The following ZNF407 variants were observed in gnomAD, a reference collection of about 807,000 sequenced individuals.
The protein encoded by ZNF407 is zinc finger protein 407.
ZNF407 carries 17 observed loss-of-function variants against 131.2 expected under a neutral mutation model. That is an observed-to-expected ratio of 0.13 (90% CI 0.09 to 0.19). The LOEUF is 0.19. Among genes scored for constraint, ZNF407 ranks in the 10% least tolerant of loss-of-function variants. ZNF407 has a pLI of 1.00. For missense variants in ZNF407, 2,681 were observed against 2,830.6 expected (o/e 0.95, Z 1.20); for synonymous variants, 1,156 against 1,062.0 (o/e 1.09, Z -1.72).
Position 74,633,741 on chromosome 18 carries a change from G to C in ZNF407, c.2722G>C (p.Glu908Gln). The change falls in exon 2 of 9, where the codon GAA (glutamate) becomes CAA (glutamine). Residue 908 changes from glutamate to glutamine, a missense_variant. Glu to Gln is a conservative substitution (Grantham distance 29, BLOSUM62 2). Transcript: ENST00000299687. ...CATKKHKGRV[E>Q]IEASGKHSSD... ...CACCAAGAAACATAAAGGACGGGTA[G>C]AAATAGAAGCAAGTGGAAAACACAG... 6.2e-7 allele frequency: 1 copy of C among 1,614,014 alleles called. No homozygotes were observed. The highest frequency in any genetic ancestry group is 1.1e-5 in the South Asian group (1 of 91,078).
At chr18:75,017,110 G>A (rs1973053863) in intron 8 of ZNF407, among the ~76,000 whole-genome samples, 1 of 152,042 alleles carries the variant, frequency 6.6e-6, no homozygotes, top group Non-Finnish European at 1.5e-5. Flanking sequence ...TTCAGGTTCA[G>A]AAAAGAAAAT....
intron 8 of ZNF407, among the ~76,000 whole-genome samples, chr18:75,031,784 A>G (rs1973243229): frequency 6.6e-6 from 1 of 152,194 alleles, no homozygotes; most frequent in Non-Finnish European, 1.5e-5. Flanking sequence ...ACACAAGGTA[A>G]TGTTCCAGGA....
At chr18:74,782,694 CT>C (rs2145031721) in intron 4 of ZNF407, among the ~76,000 whole-genome samples, 1 of 152,154 alleles carries the variant, frequency 6.6e-6, no homozygotes, top group South Asian at 2.1e-4. Context: ...TGTTAGCTCA[CT>C]GCAAGCTCCA....
intron 1 of ZNF407, among the ~76,000 whole-genome samples, chr18:74,623,525 G>A (rs889465855): frequency 6.6e-6 from 1 of 152,234 alleles, no homozygotes; most frequent in Non-Finnish European, 1.5e-5. Flanking sequence ...TGTCATGCAT[G>A]CCGCCCTAGC....
intron 3 of ZNF407, among the ~76,000 whole-genome samples, chr18:74,712,475 G>A (rs1226186143): frequency 6.6e-6 from 1 of 152,214 alleles, no homozygotes; most frequent in Non-Finnish European, 1.5e-5. Flanking sequence ...GCTTTGGTTA[G>A]TCCTTTTCCC....
chr18:74,602,939 G>A (rs1180652376), intron 1 of ZNF407, among the ~76,000 whole-genome samples: 2 of 149,916 alleles, frequency 1.3e-5, no homozygotes, highest in Non-Finnish European at 3.0e-5. Flanking sequence ...GCCTCAGGGG[G>A]ACTCCTACAC....
Position 74,631,831 on chromosome 18 carries a change from G to A in ZNF407, c.812G>A (p.Arg271His), listed in dbSNP as rs1217942572. 7 of 1,614,018 alleles carry A rather than the reference G, an allele frequency of 4.3e-6. No homozygotes were observed. Among genetic ancestry groups the A allele is most frequent in the South Asian group, 1.1e-5 (1 of 91,088 alleles). The change falls in exon 2 of 9, where the codon CGT becomes CAT. Residue 271 changes from arginine (R) to histidine (H), a missense_variant. By Grantham distance (29) the Arg-to-His change is conservative. Around this residue, in one of 6 missense-constraint regions of ZNF407, gnomAD observed 1,789 missense variants for 1,748.7 expected, o/e 1.02. Coordinates refer to ENST00000299687, the MANE Select transcript of ZNF407 (RefSeq NM_017757.3). ...AHYLGKTHLR[R>H]QNLAARGGFV... ...TATCTTGGCAAAACACATCTCCGTC[G>A]TCAGAATCTGGCTGCTCGTGGAGGA... is the stretch of plus-strand genomic sequence containing the variant.
At chr18:74,715,460 G>C (rs1271734480) in intron 3 of ZNF407, among the ~76,000 whole-genome samples, 1 of 152,218 alleles carries the variant, frequency 6.6e-6, no homozygotes, top group Non-Finnish European at 1.5e-5. Flanking sequence ...GCGAGCGGTG[G>C]TGGAGGCGCT....
At chr18:74,979,064 G>T (rs1356890465) in intron 8 of ZNF407, among the ~76,000 whole-genome samples, 3 of 152,108 alleles carry the variant, frequency 2.0e-5, no homozygotes, top group Non-Finnish European at 4.4e-5. Context: ...CACTGCTTTT[G>T]AACCTTCTCC....
At chr18:75,017,240 C>T (rs1464603687) in intron 8 of ZNF407, among the ~76,000 whole-genome samples, 2 of 152,130 alleles carry the variant, frequency 1.3e-5, no homozygotes, top group African/African-American at 4.8e-5. Flanking sequence ...AAAATGCTTT[C>T]AGATAACAGT....
chr18:75,007,467 T>C (rs1171719689), intron 8 of ZNF407, among the ~76,000 whole-genome samples: 1 of 152,186 alleles, frequency 6.6e-6, no homozygotes, highest in Admixed American at 6.5e-5. Context: ...CGCTAACAAG[T>C]GTGCAGACCC....
At chr18:74,603,912 G>A (rs557473453) in intron 1 of ZNF407, among the ~76,000 whole-genome samples, 1 of 152,158 alleles carries the variant, frequency 6.6e-6, no homozygotes. Flanking sequence ...GGACATTAAG[G>A]ATTTCTGGCT....
chr18:74,869,688 G>A (rs1971061047), intron 4 of ZNF407, among the ~76,000 whole-genome samples: 2 of 152,156 alleles, frequency 1.3e-5, no homozygotes, highest in Admixed American at 1.3e-4. Flanking sequence ...CCAGCAATTG[G>A]TAAACTGCAG....
Position 74,700,989 on chromosome 18 carries a change from G to A in ZNF407, c.4802+59867G>A, listed in dbSNP as rs575984456. Among the ~76,000 whole-genome samples, 55 of 152,218 alleles carry A rather than the reference G, an allele frequency of 3.6e-4. 1 individual carries two copies. The South Asian group carries it at 8.3e-3, about 23-fold the overall frequency. On this transcript the variant is annotated intron_variant, in intron 3 of 8. Coordinates refer to ENST00000299687, the MANE Select transcript of ZNF407 (RefSeq NM_017757.3). ...AGTATTTGGAGATAGGGCCTATAGGGGGTAGTTAAGGTTAAATGAGATCTT... is the reference window on the plus strand; with the variant it reads ...AGTATTTGGAGATAGGGCCTATAGGAGGTAGTTAAGGTTAAATGAGATCTT...
intron 4 of ZNF407, among the ~76,000 whole-genome samples, chr18:74,857,384 A>G (rs1158155860): frequency 6.6e-6 from 1 of 152,248 alleles, no homozygotes; most frequent in African/African-American, 2.4e-5. Context: ...AGTATTTTAT[A>G]GATGGTTAAC....
chr18:74,648,470 G>A (rs183293008), intron 3 of ZNF407, among the ~76,000 whole-genome samples: 6 of 152,166 alleles, frequency 3.9e-5, no homozygotes, highest in African/African-American at 1.2e-4. Flanking sequence ...TCGTTTTTTC[G>A]CTTGTCTTTC....
At chr18:74,824,152 C>G (rs1359879945) in intron 4 of ZNF407, among the ~76,000 whole-genome samples, 2 of 152,134 alleles carry the variant, frequency 1.3e-5, no homozygotes, top group East Asian at 3.8e-4. Context: ...TAAAGATGTT[C>G]TTTGAAACCA....
chr18:75,022,008 CAAT>C (rs1312693969), intron 8 of ZNF407, among the ~76,000 whole-genome samples: 2 of 151,472 alleles, frequency 1.3e-5, no homozygotes, highest in Non-Finnish European at 2.9e-5. Context: ...ACTACAAACT[CAAT>C]AAAAACAGGT....
rs75994611 is a variant in ZNF407 at position 74,631,200 on chromosome 18, A to G, written c.181A>G (p.Ser61Gly). The G allele has an allele frequency of 0.021, 34,567 of 1,613,998 alleles. 453 individuals carry two copies. The highest frequency in any genetic ancestry group is 0.025 in the Non-Finnish European group (29,797 of 1,179,882). ...TTTTTCAGAATCATCGAACTCTGAT[A>G]GTGTTGTTATAGGAGAAGACAGAAA... ...RGFSESSNSDSVVIGEDRNKH... is the reference protein window; with the variant it reads ...RGFSESSNSDGVVIGEDRNKH... The change falls in exon 2 of 9, where the codon AGT becomes GGT. Residue 61 changes from serine to glycine, a missense_variant. By Grantham distance (56) the Ser-to-Gly change is moderately conservative (BLOSUM62 0). Around this residue, in one of 6 missense-constraint regions of ZNF407, gnomAD observed 1,789 missense variants for 1,748.7 expected, o/e 1.02. Transcript: ENST00000299687.
Sources: allele counts gnomAD v4.1 joint callset (sites outside exome capture counted in the v4.1 genomes callset), GRCh38; gene constraint gnomAD v4.1.1; regional missense constraint gnomAD v4.1.1; transcripts MANE v1.5; gene names NCBI Gene and HGNC (gene_info 2026-07-23, HGNC 2026-07-21).